FHIP2A: variants seen among roughly 807,000 people sequenced by gnomAD.
FHIP2A encodes family with sequence similarity 160 member B1.
FHIP2A carries 46 observed loss-of-function variants against 93.5 expected under a neutral mutation model. That is an observed-to-expected ratio of 0.49 (90% CI 0.39 to 0.63). The LOEUF (loss-of-function observed/expected upper bound fraction) is 0.63, where lower values mean the gene tolerates loss of function less well. Among genes scored for constraint, FHIP2A ranks in the 20% least tolerant of loss-of-function variants. The pLI is 0.00. For missense variants in FHIP2A, 769 were observed against 909.7 expected (o/e 0.85, Z 1.99); for synonymous variants, 332 against 326.5 (o/e 1.02, Z -0.18).
chr10:114,827,356 C>T (rs1355383141), intron 1 of FHIP2A, among the ~76,000 whole-genome samples: 1 of 152,172 alleles, frequency 6.6e-6, no homozygotes, highest in African/African-American at 2.4e-5. Context: ...CTGTGTCATG[C>T]CTGAGTTGGA....
chr10:114,894,387 C>T (rs1592037244), intron 16 of FHIP2A, among the ~76,000 whole-genome samples: 1 of 115,166 alleles, frequency 8.7e-6, no homozygotes, highest in East Asian at 2.3e-4. Context: ...AGCAAAACCC[C>T]ATCTCTACAA....
At chr10:114,896,450 C>A (rs1370497839) in intron 16 of FHIP2A, among the ~76,000 whole-genome samples, 2 of 152,142 alleles carry the variant, frequency 1.3e-5, no homozygotes, top group Non-Finnish European at 2.9e-5. Context: ...TCTTAGGCCC[C>A]CAAAATCACT....
rs147128155 is a variant in FHIP2A at position 114,898,244 on chromosome 10, A to T, written c.2193-1246A>T. On this transcript the variant is annotated intron_variant, in intron 16 of 16. Transcript: ENST00000369250. ...AGCCAGCACTGTGTACAGCTTTGTC[A>T]ATAGAGAGTGCCATAGGGACTCTGC... Among the ~76,000 whole-genome samples, 137 of 152,288 alleles carry T rather than the reference A, an allele frequency of 9.0e-4. No homozygotes were observed. The East Asian group carries it at 0.012, about 13-fold the overall frequency.
At chr10:114,852,505 A>C (rs531164871) in intron 13 of FHIP2A, among the ~76,000 whole-genome samples, 3 of 152,062 alleles carry the variant, frequency 2.0e-5, no homozygotes, top group African/African-American at 7.2e-5. Context: ...TTCATCTTCT[A>C]TTCTCCTTAG....
At chr10:114,860,515 G>A (rs946599578) in intron 14 of FHIP2A, among the ~76,000 whole-genome samples, 4 of 152,046 alleles carry the variant, frequency 2.6e-5, no homozygotes, top group Non-Finnish European at 4.4e-5. Flanking sequence ...ACCACACCGG[G>A]CTAATTTTGT....
chr10:114,846,719 CAGG>C lies in FHIP2A; in HGVS notation c.1562_1564del (p.Gly521del). On this transcript the variant is annotated inframe_deletion, in exon 11 of 17. Transcript: ENST00000369248. ...GATGTGGTAGAAAATGGATTGATAG[CAGG>C]AGCAGTGTAAGTTTCCATCCAACTC... 1 of 1,596,264 alleles carries C rather than the reference CAGG, an allele frequency of 6.3e-7. No homozygotes were observed.
Position 114,862,071 on chromosome 10 carries a change from T to A in FHIP2A, c.*531T>A, listed in dbSNP as rs1340484315. On this transcript the variant is annotated 3_prime_UTR_variant, in exon 17 of 17. Coordinates refer to ENST00000369248, the MANE Select transcript of FHIP2A (RefSeq NM_020940.4). ...CAGAAACCATTGAATGAATTAATTA[T>A]AGGCGATAAAAATGTGTAGAGCACC... 1.0e-6 allele frequency: 1 copy of A among 960,956 alleles called. No homozygotes were observed. The highest frequency in any genetic ancestry group is 1.2e-6 in the Non-Finnish European group (1 of 807,518). The allele number at this position is 960,956 out of a possible 1,614,324, so 59.5% of individuals were successfully genotyped here. A position where few individuals can be genotyped will look rare whatever the true frequency, so the allele number is the denominator to read the frequency against.
chr10:114,881,241 G>A (rs2083915587), intron 16 of FHIP2A, among the ~76,000 whole-genome samples: 1 of 152,154 alleles, frequency 6.6e-6, no homozygotes, highest in Admixed American at 6.5e-5. Context: ...ATTTACAGAA[G>A]CTTCTCAACA....
chr10:114,826,390 T>C (rs1320194644), intron 1 of FHIP2A, among the ~76,000 whole-genome samples: 1 of 152,258 alleles, frequency 6.6e-6, no homozygotes, highest in African/African-American at 2.4e-5. Context: ...ATGTATACAT[T>C]TCCATTTCTT....
chr10:114,887,242 T>TTCTAACTTAGCTCTTG (rs2083947799), intron 16 of FHIP2A, among the ~76,000 whole-genome samples: 1 of 152,230 alleles, frequency 6.6e-6, no homozygotes, highest in Non-Finnish European at 1.5e-5. Context: ...GAAACCTCTT[T>TTCTAACTTAGCTCTTG]TCTAACAGTA....
chr10:114,899,374 A>G lies in FHIP2A; in HGVS notation c.2193-116A>G, dbSNP rs2084015893. The G allele has an allele frequency of 7.5e-6, 5 of 668,796 alleles. No homozygotes were observed. The South Asian group carries it at 8.5e-5, about 11-fold the overall frequency. 41.4% of individuals were successfully genotyped at this position (668,796 alleles called of 1,614,324 possible). ...CACAAAATAATATGTATTGGTTTAC[A>G]TAGTTGAAAGTCCAGGAGTTGGTTA... On this transcript the variant is annotated intron_variant, in intron 16 of 16. Coordinates refer to the FHIP2A transcript ENST00000369250.
At position 114,862,715 on chromosome 10, in the gene FHIP2A, C is replaced by CT; in HGVS notation, c.*1178dup. 1.0e-6 allele frequency: 1 copy of CT among 985,568 alleles called. No individual in the cohort carries two copies. Among genetic ancestry groups the CT allele is most frequent in the Non-Finnish European group, 1.2e-6 (1 of 830,044 alleles). The allele number at this position is 985,568 out of a possible 1,614,324, so 61.1% of individuals were successfully genotyped here. On this transcript the variant is annotated 3_prime_UTR_variant, in exon 17 of 17. Coordinates refer to ENST00000369248, the MANE Select transcript of FHIP2A (RefSeq NM_020940.4). ...TGACAAAATCGTGTTTGCCAGTCCA[C>CT]TTTCTATTTTTCCTTTAAGTGATGC...
chr10:114,855,598 A>G (rs2083762189), intron 14 of FHIP2A, among the ~76,000 whole-genome samples: 1 of 152,160 alleles, frequency 6.6e-6, no homozygotes. Flanking sequence ...TATCCTTAAC[A>G]CATTTTGGAG....
chr10:114,833,487 T>G, intron 3 of FHIP2A, 85 bp downstream of exon 3: 3 of 1,264,488 alleles, frequency 2.4e-6, no homozygotes, highest in South Asian at 1.3e-5. Context: ...AATACTTGAT[T>G]ATAAAGGTAC....
Position 114,842,953 on chromosome 10 carries a change from T to C in FHIP2A, c.543T>C (p.Ala181=), listed in dbSNP as rs767574322. The C allele has an allele frequency of 1.6e-5, 26 of 1,604,738 alleles. No individual in the cohort carries two copies. Among genetic ancestry groups the C allele is most frequent in the Non-Finnish European group, 2.2e-5 (26 of 1,172,324 alleles). Residue 181 remains alanine (A), a synonymous_variant, in exon 6 of 17, where the codon GCT becomes GCC. Transcript: ENST00000369248. ...FFLENKMKSL[A]SKGVPNVISE... The stretch of plus-strand genomic sequence containing the variant: ...TTCAGAATAAGATGAAATCATTGGC[T>C]TCCAAAGGAGTACCAAATGTAATTT...
Position 114,851,278 on chromosome 10 carries a change from C to T in FHIP2A, c.1803+2541C>T, listed in dbSNP as rs1053449777. 9.2e-5 allele frequency among the ~76,000 whole-genome samples: 14 copies of T among 152,178 alleles called. 1 individual carries two copies. Among genetic ancestry groups the T allele is most frequent in the Admixed American group, 9.2e-4 (14 of 15,288 alleles). On this transcript the variant is annotated intron_variant, in intron 13 of 16. Coordinates refer to ENST00000369248, the MANE Select transcript of FHIP2A (RefSeq NM_020940.4). ...TTTCTTCATGCTTTTTGTGCCGTAC[C>T]TAAGAAATCATTGCCTAACCAAGAT...
chr10:114,860,938 A>G, intron 15 of FHIP2A, 49 bp downstream of exon 15: 2 of 1,533,086 alleles, frequency 1.3e-6, no homozygotes, highest in Non-Finnish European at 1.8e-6. Context: ...AATCTGTGCA[A>G]TTAATATGTT....
Position 114,858,831 on chromosome 10 carries a change from C to T in FHIP2A, c.1948-1918C>T, listed in dbSNP as rs74158080. Among the ~76,000 whole-genome samples the T allele has an allele frequency of 1.4e-3, 207 of 152,086 alleles. 1 individual carries two copies. Among genetic ancestry groups the T allele is most frequent in the African/African-American group, 4.8e-3 (199 of 41,498 alleles). On this transcript the variant is annotated intron_variant, in intron 14 of 16. Coordinates refer to ENST00000369248, the MANE Select transcript of FHIP2A (RefSeq NM_020940.4). ...CAGTAGGGAAATTAGTTAACAAAAACGTATTGTATATTTCAAAGGAGCTAG... is the reference window on the plus strand; with the variant it reads ...CAGTAGGGAAATTAGTTAACAAAAATGTATTGTATATTTCAAAGGAGCTAG...
intron 16 of FHIP2A, among the ~76,000 whole-genome samples, chr10:114,890,528 A>G (rs948320331): frequency 2.0e-5 from 3 of 147,994 alleles, no homozygotes; most frequent in Non-Finnish European, 4.5e-5. Context: ...TACGCTATAT[A>G]TGACATATAT....
Sources: allele counts gnomAD v4.1 joint callset (sites outside exome capture counted in the v4.1 genomes callset), GRCh38; gene constraint gnomAD v4.1.1; transcripts MANE v1.5; gene names NCBI Gene and HGNC (gene_info 2026-07-23, HGNC 2026-07-21).